RBFOX3: variants seen among roughly 807,000 people sequenced by gnomAD.
RBFOX3 encodes the protein RNA binding fox-1 homolog 3, also known as RNA binding protein fox-1 homolog 3.
RBFOX3 carries 17 observed loss-of-function variants against 48.7 expected under a neutral mutation model. The observed-to-expected ratio is 0.35, with a 90% confidence interval of 0.24 to 0.52. The LOEUF (loss-of-function observed/expected upper bound fraction) is 0.52. Ranked by LOEUF, RBFOX3 falls within the 20% of genes least tolerant of loss-of-function variation. The probability of loss-of-function intolerance (pLI) is 0.94; values close to 1 mark genes in which losing one functional copy is unlikely to be tolerated. For missense variants in RBFOX3, 382 were observed against 497.5 expected (o/e 0.77, Z 2.21); for synonymous variants, 212 against 209.5 (o/e 1.01, Z -0.10).
chr17:79,262,478 T>G (rs1381496929), intron 3 of RBFOX3, among the ~76,000 whole-genome samples: 1 of 152,192 alleles, frequency 6.6e-6, no homozygotes, highest in East Asian at 1.9e-4. Context: ...GAACAATCGA[T>G]GGGTAGATCT....
intron 2 of RBFOX3, among the ~76,000 whole-genome samples, chr17:79,399,835 A>G (rs1292598721): frequency 6.6e-6 from 1 of 152,236 alleles, no homozygotes; most frequent in Non-Finnish European, 1.5e-5. Flanking sequence ...GCGCCGCTGG[A>G]AAGAATGCTG....
chr17:79,577,067 C>T (rs2092887219), intron 1 of RBFOX3, among the ~76,000 whole-genome samples: 1 of 152,184 alleles, frequency 6.6e-6, no homozygotes, highest in Non-Finnish European at 1.5e-5. Context: ...CGACTCACAG[C>T]ATGGAGGTCT....
chr17:79,141,806 C>CG (rs1484072964), intron 4 of RBFOX3, among the ~76,000 whole-genome samples: 4 of 152,098 alleles, frequency 2.6e-5, no homozygotes, highest in Admixed American at 6.5e-5. Flanking sequence ...CAGTGCCCCC[C>CG]GGTCGCAAGC....
chr17:79,185,838 T>C (rs2053288269), intron 4 of RBFOX3, among the ~76,000 whole-genome samples: 1 of 152,172 alleles, frequency 6.6e-6, no homozygotes. Context: ...ACCCACTATA[T>C]GCAGACAGTG....
In RBFOX3 at chr17:79,390,651, A is replaced by C. The variant is rs1352780217; in HGVS notation, c.-174-82827T>G. On this transcript the variant is annotated intron_variant, in intron 2 of 14. Transcript: ENST00000693108. The surrounding 1 kb of genome is among the most constrained non-coding windows in gnomAD (Gnocchi z 4.2). ...TGCCACCAAACCCAGCTAATTTTGT[A>C]TTTTTAGTAGAGACAGGGTTTCGCC... is the stretch of plus-strand genomic sequence containing the variant. Among the ~76,000 whole-genome samples, 1 of 152,000 alleles carries C rather than the reference A, an allele frequency of 6.6e-6. No homozygotes were observed. The highest frequency in any genetic ancestry group is 1.5e-5 in the Non-Finnish European group (1 of 67,994).
At chr17:79,478,415 G>A (rs908788857) in intron 2 of RBFOX3, among the ~76,000 whole-genome samples, 17 of 152,336 alleles carry the variant, frequency 1.1e-4, no homozygotes, top group East Asian at 3.9e-4. Flanking sequence ...ATCTCATCAC[G>A]GCAGGCTCAC....
chr17:79,148,710 T>C (rs1174223613), intron 4 of RBFOX3, among the ~76,000 whole-genome samples: 1 of 152,150 alleles, frequency 6.6e-6, no homozygotes, highest in Non-Finnish European at 1.5e-5. Flanking sequence ...GTGATGAGAG[T>C]TGGGCGACTC....
chr17:79,437,218 C>A (rs1445859852), intron 2 of RBFOX3, among the ~76,000 whole-genome samples: 1 of 152,104 alleles, frequency 6.6e-6, no homozygotes, highest in African/African-American at 2.4e-5. Context: ...GGGGCCGCCC[C>A]ATCCCCAAGC....
chr17:79,555,572 T>C (rs1346370987), intron 1 of RBFOX3, among the ~76,000 whole-genome samples: 1 of 151,582 alleles, frequency 6.6e-6, no homozygotes, highest in South Asian at 2.1e-4. Context: ...GTTGTGGTGG[T>C]AGTGATGATG....
chr17:79,369,547 A>G (rs1447104106), intron 2 of RBFOX3, among the ~76,000 whole-genome samples: 1 of 151,868 alleles, frequency 6.6e-6, no homozygotes, highest in East Asian at 1.9e-4. Context: ...CCTTCCTGCC[A>G]CCCCAAACTC....
rs145967750 is a variant in RBFOX3 at position 79,095,931 on chromosome 17, A to C, written c.937-357T>G. On this transcript the variant is annotated intron_variant, in intron 12 of 14. Coordinates refer to ENST00000693108, the MANE Select transcript of RBFOX3 (RefSeq NM_001350451.2). The stretch of plus-strand genomic sequence containing the variant: ...GGCTGGGTGCTAGGCCTTGGCAAGG[A>C]AGAGGTGCTCACAGACCTGCCACCA... Among the ~76,000 whole-genome samples the C allele has an allele frequency of 2.4e-3, 362 of 152,316 alleles. 2 individuals are homozygous for C. The highest frequency in any genetic ancestry group is 8.3e-3 in the African/African-American group (346 of 41,552).
chr17:79,177,217 C>CG (rs1568288065), intron 4 of RBFOX3, among the ~76,000 whole-genome samples: 2 of 152,272 alleles, frequency 1.3e-5, no homozygotes, highest in South Asian at 2.1e-4. Context: ...TCTCCCCCCC[C>CG]GCCCTCTCCC....
At chr17:79,328,386 T>C (rs987679735) in intron 2 of RBFOX3, among the ~76,000 whole-genome samples, 2 of 152,250 alleles carry the variant, frequency 1.3e-5, no homozygotes, top group African/African-American at 2.4e-5. Flanking sequence ...GGGGTGACCC[T>C]GGCCACAATC....
intron 4 of RBFOX3, among the ~76,000 whole-genome samples, chr17:79,152,647 C>T (rs1471077881): frequency 3.3e-5 from 5 of 152,066 alleles, no homozygotes; most frequent in African/African-American, 9.7e-5. Context: ...CAGAAGGAGA[C>T]GGAAAAGGGG....
At position 79,096,663 on chromosome 17, in the gene RBFOX3, G is replaced by A. The variant is rs1421792339; in HGVS notation, c.926C>T (p.Ala309Val). 5 of 1,544,820 alleles carry A rather than the reference G, an allele frequency of 3.2e-6. No homozygotes were observed. Among genetic ancestry groups the A allele is most frequent in the Non-Finnish European group, 4.4e-6 (5 of 1,142,468 alleles). The part of the protein sequence containing the change: ...RVVYQDGFYG[A>V]EIYGGYAAYR... ...CGGGGCTACACTTACATAAATCTCAGCACCATAAAATCCATCCTGATACAC... is the reference window on the plus strand; with the variant it reads ...CGGGGCTACACTTACATAAATCTCAACACCATAAAATCCATCCTGATACAC... Residue 309 changes from alanine (A) to valine (V), a missense_variant, in exon 12 of 15, where the codon GCT becomes GTT. By Grantham distance (64) the Ala-to-Val change is moderately conservative (BLOSUM62 0). Around this residue, in one of 3 missense-constraint regions of RBFOX3, gnomAD observed 215 missense variants for 254.8 expected, o/e 0.84. Transcript: ENST00000693108.
In RBFOX3 at chr17:79,535,760, C is replaced by T. The variant is rs140819680; in HGVS notation, c.-319-53162G>A. On this transcript the variant is annotated intron_variant, in intron 1 of 14. Coordinates refer to ENST00000693108, the MANE Select transcript of RBFOX3 (RefSeq NM_001350451.2). The surrounding 1 kb of genome is among the most constrained non-coding windows in gnomAD (Gnocchi z 4.5). ...ACCCAGGAAGCCTGCAGCACTGAGC[C>T]GTCTGCATTTGCTAGGGCCACCAGC... Among the ~76,000 whole-genome samples, 4 of 152,248 alleles carry T rather than the reference C, an allele frequency of 2.6e-5. No individual in the cohort carries two copies. Among genetic ancestry groups the T allele is most frequent in the Non-Finnish European group, 4.4e-5 (3 of 68,014 alleles).
At position 79,337,020 on chromosome 17, in the gene RBFOX3, T is replaced by A. The variant is rs1271038502; in HGVS notation, c.-174-29196A>T. On this transcript the variant is annotated intron_variant, in intron 2 of 14. Coordinates refer to ENST00000693108, the MANE Select transcript of RBFOX3 (RefSeq NM_001350451.2). ...CTGTAATCCCAGCTACTTGGGAAGC[T>A]GAGGCAGAAGAATCGCTTGAACCTG... Among the ~76,000 whole-genome samples, 6 of 152,048 alleles carry A rather than the reference T, an allele frequency of 3.9e-5. No individual in the cohort carries two copies. The East Asian group carries it at 1.2e-3, about 29-fold the overall frequency.
rs1410532753 is a variant in RBFOX3, at chr17:79,362,558, G to A, written c.-174-54734C>T. On this transcript the variant is annotated intron_variant, in intron 2 of 14. Coordinates refer to ENST00000693108, the MANE Select transcript of RBFOX3 (RefSeq NM_001350451.2). This position sits in a 1 kb window ranked among gnomAD's most constrained non-coding sequence, Gnocchi z 4.2. ...GGGCCTGGCTGTGGCTTGGGATGGA[G>A]ATGGGAGCCTTTATGTCCCGCGTGT... is the stretch of plus-strand genomic sequence containing the variant. 2.0e-5 allele frequency among the ~76,000 whole-genome samples: 3 copies of A among 152,252 alleles called. No homozygotes were observed. Among genetic ancestry groups the A allele is most frequent in the African/African-American group, 7.2e-5 (3 of 41,472 alleles).
chr17:79,465,186 C>T (rs150511335), intron 2 of RBFOX3, among the ~76,000 whole-genome samples: 7 of 152,318 alleles, frequency 4.6e-5, no homozygotes, highest in East Asian at 1.9e-4. Context: ...CTTCCCGAGG[C>T]GGCCTCCCCT....
Sources: gnomAD v4.1 joint callset for allele counts (sites outside exome capture counted in the v4.1 genomes callset) on GRCh38, gnomAD v4.1.1 for gene constraint, gnomAD v4.1.1 regional missense constraint, Gnocchi (gnomAD v3.1) non-coding constraint, MANE v1.5 for transcripts, NCBI Gene and HGNC (gene_info 2026-07-23, HGNC 2026-07-21) for gene names.